The following HSD17B12 variants were observed in gnomAD, a reference collection of about 807,000 sequenced individuals.
The protein encoded by HSD17B12 is very-long-chain 3-oxoacyl-CoA reductase.
In HSD17B12, 32 loss-of-function variants were observed where a neutral mutation model predicts 39.3. The observed-to-expected ratio is 0.81, with a 90% CI of 0.61 to 1.09. The LOEUF (loss-of-function observed/expected upper bound fraction) is 1.09, where lower values mean the gene tolerates loss of function less well. Among genes scored for constraint, HSD17B12 ranks in the 50% least tolerant of loss-of-function variants. HSD17B12 has a pLI of 0.00. For synonymous variants in HSD17B12, 150 were observed against 146.7 expected (o/e 1.02, Z -0.16); for missense variants, 342 against 382.9 (o/e 0.89, Z 0.89).
intron 1 of HSD17B12, among the ~76,000 whole-genome samples, chr11:43,729,014 A>C (rs1730609777): frequency 6.6e-6 from 1 of 152,180 alleles, no homozygotes; most frequent in Non-Finnish European, 1.5e-5. Flanking sequence ...CTCTATAATT[A>C]CATATTATAA....
the HSD17B12 span, among the ~76,000 whole-genome samples, chr11:43,565,255 A>G: frequency 1.3e-5 from 2 of 152,248 alleles, no homozygotes; most frequent in East Asian, 3.9e-4. Context: ...TGGCGCCTTC[A>G]CGTTTTCTCC....
the HSD17B12 span, among the ~76,000 whole-genome samples, chr11:43,671,259 A>G: frequency 1.3e-5 from 2 of 152,122 alleles, no homozygotes; most frequent in Non-Finnish European, 2.9e-5. Flanking sequence ...GCGATTCTCC[A>G]GCCTCCACCT....
chr11:43,796,197 C>T (rs1356450089), intron 3 of HSD17B12, among the ~76,000 whole-genome samples: 1 of 152,110 alleles, frequency 6.6e-6, no homozygotes, highest in Non-Finnish European at 1.5e-5. Flanking sequence ...TTGGCTCTTA[C>T]TCTGAGTGAG....
intron 3 of HSD17B12, among the ~76,000 whole-genome samples, chr11:43,775,283 T>G (rs1950688928): frequency 6.6e-6 from 1 of 150,888 alleles, no homozygotes; most frequent in African/African-American, 2.5e-5. Context: ...AGAGAGATAA[T>G]ACATATATAT....
At position 43,816,395 on chromosome 11, in the gene HSD17B12, A is replaced by C; in HGVS notation, c.501+4A>C. On this transcript the variant is annotated splice_donor_region_variant and intron_variant, in intron 6 of 10. Coordinates refer to ENST00000278353, the MANE Select transcript of HSD17B12 (RefSeq NM_016142.3). ...TAATATTCTTTCTGTTTGTAAGGTA[A>C]GCATCCTTGTTATAAAGATGTCATC... 1 of 1,522,506 alleles carries C rather than the reference A, an allele frequency of 6.6e-7. No individual in the cohort carries two copies. The highest frequency in any genetic ancestry group is 8.9e-7 in the Non-Finnish European group (1 of 1,126,396). The allele number at this position is 1,522,506 out of a possible 1,614,324, so 94.3% of individuals were successfully genotyped here.
intron 3 of HSD17B12, among the ~76,000 whole-genome samples, chr11:43,783,690 G>C (rs532845024): frequency 6.6e-6 from 1 of 152,044 alleles, no homozygotes; most frequent in East Asian, 1.9e-4. Flanking sequence ...CTGTTCTTGT[G>C]TTAGTTTGCT....
intron 3 of HSD17B12, among the ~76,000 whole-genome samples, chr11:43,783,051 G>C (rs188464982): frequency 5.9e-5 from 9 of 152,294 alleles, no homozygotes; most frequent in Admixed American, 5.9e-4. Context: ...TAATTGGCCT[G>C]TAATAATCAA....
intron 1 of HSD17B12, among the ~76,000 whole-genome samples, chr11:43,745,788 T>C (rs1270026149): frequency 6.6e-6 from 1 of 152,132 alleles, no homozygotes; most frequent in Non-Finnish European, 1.5e-5. Flanking sequence ...TCCCAGCTTT[T>C]GGAAGGCCGA....
chr11:43,620,848 C>A, the HSD17B12 span, among the ~76,000 whole-genome samples: 1 of 152,200 alleles, frequency 6.6e-6, no homozygotes, highest in African/African-American at 2.4e-5. Flanking sequence ...ATAAAGACAT[C>A]TGCACAGAAG....
At chr11:43,592,601 A>G in the HSD17B12 span, among the ~76,000 whole-genome samples, 3 of 152,208 alleles carry the variant, frequency 2.0e-5, no homozygotes, top group South Asian at 4.1e-4. Context: ...TGAAGTGATT[A>G]CAAGAATGAA....
the HSD17B12 span, among the ~76,000 whole-genome samples, chr11:43,635,479 A>G: frequency 6.6e-6 from 1 of 152,254 alleles, no homozygotes; most frequent in Non-Finnish European, 1.5e-5. Context: ...GGAGACATAA[A>G]AAATGAAAAC....
chr11:43,718,731 CA>C, intron 1 of HSD17B12: 2 of 1,263,112 alleles, frequency 1.6e-6, no homozygotes, highest in Non-Finnish European at 2.2e-6. Flanking sequence ...GAAGCCAAAG[CA>C]AAGGCTTTAA....
chr11:43,751,035 A>G, intron 2 of HSD17B12, 78 bp downstream of exon 2: 3 of 972,972 alleles, frequency 3.1e-6, no homozygotes, highest in Non-Finnish European at 4.6e-6. Flanking sequence ...AGTAGTTTTG[A>G]TTTTTGAAGT....
At chr11:43,610,037 C>A in the HSD17B12 span, among the ~76,000 whole-genome samples, 1 of 152,164 alleles carries the variant, frequency 6.6e-6, no homozygotes, top group Non-Finnish European at 1.5e-5. Context: ...AGGGGCGTCA[C>A]GTTTTCTAAT....
chr11:43,603,180 T>C, the HSD17B12 span, among the ~76,000 whole-genome samples: 1 of 152,312 alleles, frequency 6.6e-6, no homozygotes, highest in East Asian at 1.9e-4. Context: ...TTATTTTTTA[T>C]TTTTTATTTC....
chr11:43,619,259 T>TTTATATATATATAAAATATATATATATA, the HSD17B12 span, among the ~76,000 whole-genome samples: 309 of 81,954 alleles, frequency 3.8e-3, 7 homozygotes, highest in African/African-American at 0.012. Context: ...TATATATATA[T>TTTATATATATATAAAATATATATATATA]TTTATATATA....
chr11:43,641,409 A>T, the HSD17B12 span, among the ~76,000 whole-genome samples: 1 of 152,046 alleles, frequency 6.6e-6, no homozygotes, highest in Non-Finnish European at 1.5e-5. Flanking sequence ...ATTTTCAGAC[A>T]TCTAAAATAT....
chr11:43,738,247 T>C (rs1043821899), intron 1 of HSD17B12, among the ~76,000 whole-genome samples: 1 of 151,938 alleles, frequency 6.6e-6, no homozygotes, highest in African/African-American at 2.4e-5. Flanking sequence ...GGGGTCCATG[T>C]GCAGGATGTG....
At chr11:43,737,151 T>C (rs1950324349) in intron 1 of HSD17B12, among the ~76,000 whole-genome samples, 1 of 152,112 alleles carries the variant, frequency 6.6e-6, no homozygotes, top group South Asian at 2.1e-4. Flanking sequence ...ATAACTAAGC[T>C]CTTAGGCATG....
Sources: allele counts gnomAD v4.1 joint callset (sites outside exome capture counted in the v4.1 genomes callset), GRCh38; gene constraint gnomAD v4.1.1; transcripts MANE v1.5; gene names NCBI Gene and HGNC (gene_info 2026-07-23, HGNC 2026-07-21).